Variants in LHX4 observed in about 807,000 individuals in gnomAD.
LHX4 encodes LIM homeobox 4.
In LHX4, 16 loss-of-function variants were observed where a neutral mutation model predicts 39.2. The observed-to-expected ratio is 0.41, with a 90% confidence interval of 0.28 to 0.62. The LOEUF is 0.62. LHX4 is among the 20% of genes least tolerant of loss of function. LHX4 has a pLI of 0.33. For synonymous variants in LHX4, 206 were observed against 198.1 expected, an observed-to-expected ratio of 1.04 and a Z score of -0.33; for missense variants, 439 against 511.9, an observed-to-expected ratio of 0.86 and a Z score of 1.37.
At position 180,248,400 on chromosome 1, in the gene LHX4, G is replaced by T; in HGVS notation, c.192G>T (p.Leu64=). The change falls in exon 2 of 6, where the codon CTG becomes CTT. Residue 64 remains leucine, a synonymous_variant. Transcript: ENST00000263726. The part of the protein sequence containing the change: ...CLKCADCQMQ[L]ADRCFSRAGS... ...AGTGTGCAGACTGCCAGATGCAGCT[G>T]GCGGACAGGTGCTTCTCCAGGGCTG... is the stretch of plus-strand genomic sequence containing the variant. 2.5e-6 allele frequency: 4 copies of T among 1,614,240 alleles called. No individual in the cohort carries two copies. In the East Asian group the frequency reaches 8.9e-5, roughly 36 times the overall value.
At chr1:180,230,143 C>A (rs1031700079), upstream of LHX4, 3 of 212,336 alleles carry the variant, frequency 1.4e-5, no homozygotes, top group Non-Finnish European at 2.9e-5. The surrounding 1 kb of genome is among the most constrained non-coding windows in gnomAD (Gnocchi z 5.8). Flanking sequence ...ACGTCACGGC[C>A]GCTCCTGCAG....
rs1244477055 is a variant in LHX4, at chr1:180,278,247, A to T, written c.*3668A>T. ...AATTGGAAACCGTGAGATGAAGAAAAATTCAATTAAGCGGAAATGAGTTTT... is the reference window on the plus strand; with the variant it reads ...AATTGGAAACCGTGAGATGAAGAAATATTCAATTAAGCGGAAATGAGTTTT... On this transcript the variant is annotated 3_prime_UTR_variant, in exon 6 of 6. Transcript: ENST00000263726. The T allele has an allele frequency of 6.6e-6, 1 of 152,208 alleles. No homozygotes were observed. Among genetic ancestry groups the T allele is most frequent in the African/African-American group, 2.4e-5 (1 of 41,448 alleles). The allele number at this position is 152,208 out of a possible 1,614,324, so 9.4% of individuals were successfully genotyped here.
rs1316353881 is a variant in LHX4 at position 180,278,832 on chromosome 1, A to C, written c.*4253A>C. ...TCTCGTTTCCTGGGGAAAAAAAAGAAAAAAAGAAAAAAAAAAGACCCACCC... is the reference window on the plus strand; with the variant it reads ...TCTCGTTTCCTGGGGAAAAAAAAGACAAAAAGAAAAAAAAAAGACCCACCC... On this transcript the variant is annotated 3_prime_UTR_variant, in exon 6 of 6. Coordinates refer to ENST00000263726, the MANE Select transcript of LHX4 (RefSeq NM_033343.4). The C allele has an allele frequency of 6.7e-6, 1 of 149,648 alleles. No individual in the cohort carries two copies. The highest frequency in any genetic ancestry group is 1.5e-5 in the Non-Finnish European group (1 of 68,010). 9.3% of individuals were successfully genotyped at this position (149,648 alleles called of 1,614,324 possible). A position where few individuals can be genotyped will look rare whatever the true frequency, so the allele number is the denominator to read the frequency against.
rs760506914 is a variant in LHX4 at position 180,275,480 on chromosome 1, C to G, written c.*901C>G. 6.6e-6 allele frequency: 1 copy of G among 152,244 alleles called. No homozygotes were observed. Among genetic ancestry groups the G allele is most frequent in the Non-Finnish European group, 1.5e-5 (1 of 68,042 alleles). 9.4% of individuals were successfully genotyped at this position (152,244 alleles called of 1,614,324 possible). A position where few individuals can be genotyped will look rare whatever the true frequency, so the allele number is the denominator to read the frequency against. On this transcript the variant is annotated 3_prime_UTR_variant, in exon 6 of 6. Coordinates refer to ENST00000263726, the MANE Select transcript of LHX4 (RefSeq NM_033343.4). ...TTTGTAGACACATTTGGATTCCAAA[C>G]CTGCAGTCTGTTCAGCCATATCGGC...
chr1:180,249,567 G>A (rs1196278682), intron 2 of LHX4, among the ~76,000 whole-genome samples: 1 of 152,176 alleles, frequency 6.6e-6, no homozygotes, highest in Non-Finnish European at 1.5e-5. Context: ...AGATAACCAA[G>A]CCCCATAGAG....
At chr1:180,228,686 A>G (rs1664082178), upstream of LHX4, among the ~76,000 whole-genome samples, 1 of 152,194 alleles carries the variant, frequency 6.6e-6, no homozygotes, top group African/African-American at 2.4e-5. Flanking sequence ...ATGCCAACCC[A>G]GTACCAGGAC....
chr1:180,228,712 T>G (rs1325338139), upstream of LHX4, among the ~76,000 whole-genome samples: 1 of 152,184 alleles, frequency 6.6e-6, no homozygotes, highest in Non-Finnish European at 1.5e-5. Context: ...AAAGTCACTG[T>G]GACCTCATTG....
intron 1 of LHX4, among the ~76,000 whole-genome samples, chr1:180,236,201 G>A (rs1182521987): frequency 6.6e-6 from 1 of 151,526 alleles, no homozygotes; most frequent in Admixed American, 6.6e-5. Flanking sequence ...GCTCCTAGAG[G>A]TGGGGTGGGG....
rs955534921 is a variant in LHX4, at chr1:180,278,239, TGAA to T, written c.*3664_*3666del. On this transcript the variant is annotated 3_prime_UTR_variant, in exon 6 of 6. Coordinates refer to ENST00000263726, the MANE Select transcript of LHX4 (RefSeq NM_033343.4). ...ACTTTAAAAATTGGAAACCGTGAGA[TGAA>T]GAAAAATTCAATTAAGCGGAAATGA... The T allele has an allele frequency of 2.2e-4, 33 of 152,330 alleles. No homozygotes were observed. The highest frequency in any genetic ancestry group is 7.9e-4 in the African/African-American group (33 of 41,572). The allele number at this position is 152,330 out of a possible 1,614,324, so 9.4% of individuals were successfully genotyped here. A position where few individuals can be genotyped will look rare whatever the true frequency, so the allele number is the denominator to read the frequency against.
chr1:180,275,444 A>ATCAG lies in LHX4; in HGVS notation c.*867_*870dup, dbSNP rs1648967511. 6.6e-6 allele frequency: 1 copy of ATCAG among 152,362 alleles called. No homozygotes were observed. The highest frequency in any genetic ancestry group is 2.4e-5 in the African/African-American group (1 of 41,584). The allele number at this position is 152,362 out of a possible 1,614,324, so 9.4% of individuals were successfully genotyped here. On this transcript the variant is annotated 3_prime_UTR_variant, in exon 6 of 6. Transcript: ENST00000263726. ...TGTGGGGAGAACAAAATGACAATCA[A>ATCAG]TCAGTGAACATTTGTAGACACATTT...
rs376116979 is a variant in LHX4, at chr1:180,266,615, T to C, written c.451+21T>C. On this transcript the variant is annotated intron_variant, in intron 3 of 5. Coordinates refer to ENST00000263726, the MANE Select transcript of LHX4 (RefSeq NM_033343.4). This position sits in a 1 kb window ranked among gnomAD's most constrained non-coding sequence, Gnocchi z 5.7. ...GAACGGTAAGCAGCATGGCCCCGCA[T>C]GGTCCCCTCTCCAGGCCTTTGTTTG... 3.7e-6 allele frequency: 6 copies of C among 1,611,338 alleles called. 1 individual carries two copies. Among genetic ancestry groups the C allele is most frequent in the East Asian group, 2.2e-5 (1 of 44,786 alleles).
chr1:180,235,298 AG>A (rs1664288449), intron 1 of LHX4, among the ~76,000 whole-genome samples: 1 of 152,220 alleles, frequency 6.6e-6, no homozygotes, highest in Non-Finnish European at 1.5e-5. Context: ...AGCTGGAATT[AG>A]CCAGGCCTGG....
At position 180,275,887 on chromosome 1, in the gene LHX4, A is replaced by T. The variant is rs1423790704; in HGVS notation, c.*1308A>T. 2.0e-5 allele frequency: 3 copies of T among 152,260 alleles called. No individual in the cohort carries two copies. Among genetic ancestry groups the T allele is most frequent in the Non-Finnish European group, 4.4e-5 (3 of 68,090 alleles). The allele number at this position is 152,260 out of a possible 1,614,324, so 9.4% of individuals were successfully genotyped here. On this transcript the variant is annotated 3_prime_UTR_variant, in exon 6 of 6. Coordinates refer to ENST00000263726, the MANE Select transcript of LHX4 (RefSeq NM_033343.4). ...CCGTTGTGCAGGTTTGCAGTAGCAAATCACTAAGCCTGAGGCCAGAGCAAG... is the reference window on the plus strand; with the variant it reads ...CCGTTGTGCAGGTTTGCAGTAGCAATTCACTAAGCCTGAGGCCAGAGCAAG...
In LHX4 at chr1:180,277,677, C is replaced by T. The variant is rs964255761; in HGVS notation, c.*3098C>T. 2 of 152,156 alleles carry T rather than the reference C, an allele frequency of 1.3e-5. No individual in the cohort carries two copies. Among genetic ancestry groups the T allele is most frequent in the African/African-American group, 4.8e-5 (2 of 41,446 alleles). 9.4% of individuals were successfully genotyped at this position (152,156 alleles called of 1,614,324 possible). On this transcript the variant is annotated 3_prime_UTR_variant, in exon 6 of 6. Transcript: ENST00000263726. ...AGGTTCTTGGCCCTTCAAGGACTTG[C>T]TATGCAACCTCAGGCAAATTCCTCT...
chr1:180,274,437 C>T lies in LHX4; in HGVS notation c.1031C>T (p.Ala344Val), dbSNP rs1648900896. The change falls in exon 6 of 6, where the codon GCA (alanine) becomes GTA (valine). Residue 344 changes from alanine (A) to valine (V), a missense_variant. Physicochemically the swap from Ala to Val is moderately conservative, Grantham distance 64 (BLOSUM62 0). Coordinates refer to ENST00000263726, the MANE Select transcript of LHX4 (RefSeq NM_033343.4). ...AGTAATTTGGGCATCATTGCGCATG[C>T]AGGGCAGGGAGTAAGCCAGACGCTG... ...VDSNLGIIAH[A>V]GQGVSQTLRA... 1.2e-6 allele frequency: 2 copies of T among 1,614,080 alleles called. No homozygotes were observed. The highest frequency in any genetic ancestry group is 1.7e-6 in the Non-Finnish European group (2 of 1,180,044).
At chr1:180,271,142 G>C (rs1648626188) in intron 3 of LHX4, 1 of 580,216 alleles carries the variant, frequency 1.7e-6, no homozygotes, top group Non-Finnish European at 3.1e-6. Context: ...GGTTGAGGCA[G>C]GGAGCTGAGC....
intron 2 of LHX4, among the ~76,000 whole-genome samples, chr1:180,263,428 C>G (rs1288234790): frequency 6.6e-6 from 1 of 152,158 alleles, no homozygotes; most frequent in Non-Finnish European, 1.5e-5. Context: ...CTGGCTCTGA[C>G]TGGAGATGGG....
At chr1:180,271,772 T>C in intron 4 of LHX4, 63 bp from the exon 5 acceptor site, 1 of 1,581,566 alleles carries the variant, frequency 6.3e-7, no homozygotes, top group South Asian at 1.1e-5. Context: ...GCCTAGGGGG[T>C]CCTGGGGGCT....
At chr1:180,256,773 G>C (rs1183916536) in intron 2 of LHX4, among the ~76,000 whole-genome samples, 6 of 152,184 alleles carry the variant, frequency 3.9e-5, no homozygotes, top group African/African-American at 9.7e-5. Flanking sequence ...CCGCTCGGGG[G>C]AGTTTGCTCA....
Sources: allele counts gnomAD v4.1 joint callset (sites outside exome capture counted in the v4.1 genomes callset), GRCh38; gene constraint gnomAD v4.1.1; non-coding constraint Gnocchi (gnomAD v3.1); transcripts MANE v1.5; gene names NCBI Gene and HGNC (gene_info 2026-07-23, HGNC 2026-07-21).